Variants in GNG4 observed in about 807,000 individuals in gnomAD.
GNG4 encodes the protein G protein subunit gamma 4, also known as guanine nucleotide-binding protein G(I)/G(S)/G(O) subunit gamma-4.
GNG4 carries 4 observed loss-of-function variants against 5.8 expected under a neutral mutation model. The ratio of observed to expected loss-of-function variants is 0.69; its 90% CI spans 0.34 to 1.57. The LOEUF (loss-of-function observed/expected upper bound fraction) is 1.57. Ranked by LOEUF, GNG4 falls within the 40% of genes most tolerant of loss-of-function variation. The pLI is 0.06. For synonymous variants in GNG4, 29 were observed against 32.9 expected (o/e 0.88, Z 0.41); for missense variants, 96 against 95.1 (o/e 1.01, Z -0.04).
At chr1:235,621,708 G>A (rs980681515) in intron 1 of GNG4, among the ~76,000 whole-genome samples, 2 of 148,710 alleles carry the variant, frequency 1.3e-5, no homozygotes, top group Non-Finnish European at 3.0e-5. Context: ...ACAGAGTCTT[G>A]CTCAGTCACC....
intron 3 of GNG4, among the ~76,000 whole-genome samples, chr1:235,582,624 C>T (rs548839023): frequency 4.6e-5 from 7 of 152,218 alleles, no homozygotes; most frequent in Non-Finnish European, 8.8e-5. Flanking sequence ...TATTGGGACC[C>T]GCTGTGTCTT....
At chr1:235,569,785 C>T (rs1472302102) in intron 3 of GNG4, among the ~76,000 whole-genome samples, 2 of 152,180 alleles carry the variant, frequency 1.3e-5, no homozygotes, top group Non-Finnish European at 2.9e-5. Context: ...AGGCTGGTCT[C>T]GAACTCCTGA....
chr1:235,632,991 G>A (rs530326314), intron 1 of GNG4, among the ~76,000 whole-genome samples: 1 of 152,238 alleles, frequency 6.6e-6, no homozygotes, highest in South Asian at 2.1e-4. Flanking sequence ...TACATTCAAA[G>A]GATCTCTCTA....
chr1:235,561,692 G>C (rs916557197), intron 3 of GNG4, among the ~76,000 whole-genome samples: 1 of 152,172 alleles, frequency 6.6e-6, no homozygotes, highest in Non-Finnish European at 1.5e-5. Context: ...ACCGCACTTG[G>C]CCCTTTATAT....
rs556050017 is a variant in GNG4, at chr1:235,552,259, G to A, written c.100-22C>T. 22 of 1,611,682 alleles carry A rather than the reference G, an allele frequency of 1.4e-5. 1 individual carries two copies. The highest frequency in any genetic ancestry group is 2.2e-5 in the South Asian group (2 of 91,046). ...AGACCTGTGAGGGCACAGAGCACAG[G>A]TGCTCAGTTAAAGGCCCCTTTGCAG... On this transcript the variant is annotated intron_variant, in intron 3 of 3. Transcript: ENST00000391854.
intron 3 of GNG4, among the ~76,000 whole-genome samples, chr1:235,557,132 G>A (rs1396028947): frequency 6.6e-6 from 1 of 152,102 alleles, no homozygotes; most frequent in African/African-American, 2.4e-5. Flanking sequence ...ATGGCCCGGC[G>A]GTTGGGGACC....
chr1:235,561,961 ATTTAT>A (rs1427497335), intron 3 of GNG4, among the ~76,000 whole-genome samples: 12 of 152,174 alleles, frequency 7.9e-5, no homozygotes, highest in South Asian at 2.1e-4. Flanking sequence ...TATGTCTATA[ATTTAT>A]TTTGAGTTAA....
chr1:235,570,498 GCGATTCT>G (rs1376514620), intron 3 of GNG4, among the ~76,000 whole-genome samples: 1 of 146,900 alleles, frequency 6.8e-6, no homozygotes, highest in Non-Finnish European at 1.5e-5. Context: ...CCGGGTTCAA[GCGATTCT>G]CCTGCCTCAG....
At chr1:235,627,009 A>C (rs1688831208) in intron 1 of GNG4, among the ~76,000 whole-genome samples, 1 of 142,802 alleles carries the variant, frequency 7.0e-6, no homozygotes. Context: ...AGAACTTAGA[A>C]CCCAAATTAG....
intron 3 of GNG4, among the ~76,000 whole-genome samples, chr1:235,573,934 T>G (rs1438001817): frequency 6.6e-6 from 1 of 152,200 alleles, no homozygotes; most frequent in Non-Finnish European, 1.5e-5. Flanking sequence ...CACAATATAC[T>G]GTTCAGTGAT....
intron 1 of GNG4, among the ~76,000 whole-genome samples, chr1:235,630,559 C>T (rs1424306899): frequency 1.3e-5 from 2 of 152,206 alleles, no homozygotes; most frequent in Non-Finnish European, 2.9e-5. Context: ...CTGCCTGAGA[C>T]AGCAATTCAA....
rs1214224607 is a variant in GNG4, at chr1:235,648,737, C to T, written c.-123+925G>A. ...TTGCTCCGGCTGAGAGGCACGGGCC[C>T]GGTGCCAGCATTTGACAGTCCTGGG... On this transcript the variant is annotated intron_variant, in intron 1 of 3. Transcript: ENST00000391854. The surrounding 1 kb of genome is among the most constrained non-coding windows in gnomAD (Gnocchi z 5.0). Among the ~76,000 whole-genome samples, 3 of 152,188 alleles carry T rather than the reference C, an allele frequency of 2.0e-5. No homozygotes were observed. The highest frequency in any genetic ancestry group is 4.4e-5 in the Non-Finnish European group (3 of 68,040).
intron 2 of GNG4, among the ~76,000 whole-genome samples, chr1:235,587,095 G>A (rs1299913539): frequency 6.6e-6 from 1 of 151,770 alleles, no homozygotes; most frequent in African/African-American, 2.4e-5. Flanking sequence ...GAGGAGGGGA[G>A]GGCTCTGCAC....
intron 3 of GNG4, among the ~76,000 whole-genome samples, chr1:235,577,879 C>T (rs1165217597): frequency 6.6e-6 from 1 of 152,138 alleles, no homozygotes; most frequent in Non-Finnish European, 1.5e-5. Context: ...CCTTCCTCCT[C>T]TCTGGCAGTA....
chr1:235,597,248 C>T (rs908476783), intron 1 of GNG4, among the ~76,000 whole-genome samples: 6 of 152,194 alleles, frequency 3.9e-5, no homozygotes, highest in Admixed American at 3.3e-4. Context: ...GCTAAAAGCC[C>T]GACAAGAATA....
intron 1 of GNG4, among the ~76,000 whole-genome samples, chr1:235,614,193 T>C (rs1046075816): frequency 1.3e-5 from 2 of 152,218 alleles, no homozygotes; most frequent in Non-Finnish European, 2.9e-5. Context: ...AGCTGCTGAA[T>C]TTATGGCCAT....
chr1:235,647,659 ATGT>A (rs1359919434), intron 1 of GNG4, among the ~76,000 whole-genome samples: 2 of 151,934 alleles, frequency 1.3e-5, no homozygotes, highest in African/African-American at 4.8e-5. Context: ...TTCCCACCTC[ATGT>A]TGTTTATTTA....
intron 3 of GNG4, among the ~76,000 whole-genome samples, chr1:235,567,356 G>A (rs753910268): frequency 1.7e-4 from 26 of 152,100 alleles, no homozygotes; most frequent in Non-Finnish European, 3.5e-4. Flanking sequence ...CTATTTTTAA[G>A]TATATAGTTC....
chr1:235,562,241 C>T (rs897608561), intron 3 of GNG4, among the ~76,000 whole-genome samples: 2 of 152,184 alleles, frequency 1.3e-5, no homozygotes, highest in African/African-American at 2.4e-5. Flanking sequence ...CAGGTAGTGT[C>T]GGTTCTCCAA....
Sources: gnomAD v4.1 joint callset for allele counts (sites outside exome capture counted in the v4.1 genomes callset) on GRCh38, gnomAD v4.1.1 for gene constraint, Gnocchi (gnomAD v3.1) non-coding constraint, MANE v1.5 for transcripts, NCBI Gene and HGNC (gene_info 2026-07-23, HGNC 2026-07-21) for gene names.